The following PPFIA2 variants were observed in gnomAD, a reference collection of about 807,000 sequenced individuals.
The protein encoded by PPFIA2 is PPFI scaffold protein A2.
In PPFIA2, 46 loss-of-function variants were observed where a neutral mutation model predicts 175.5. The ratio of observed to expected loss-of-function variants is 0.26; its 90% CI spans 0.21 to 0.34. The LOEUF is 0.34. Among genes scored for constraint, PPFIA2 ranks in the 10% least tolerant of loss-of-function variants. The probability of loss-of-function intolerance (pLI) is 1.00; values close to 1 mark genes in which losing one functional copy is unlikely to be tolerated. For missense variants in PPFIA2, 1,179 were observed against 1,506.1 expected (o/e 0.78, Z 3.60); for synonymous variants, 568 against 511.4 (o/e 1.11, Z -1.49).
At chr12:81,492,899 G>C (rs1436104947) in intron 4 of PPFIA2, among the ~76,000 whole-genome samples, 1 of 152,042 alleles carries the variant, frequency 6.6e-6, no homozygotes, top group Non-Finnish European at 1.5e-5. Flanking sequence ...AAAAGATAAA[G>C]GTGACTTGAA....
At chr12:81,288,395 C>A (rs1165537383) in intron 24 of PPFIA2, among the ~76,000 whole-genome samples, 1 of 151,578 alleles carries the variant, frequency 6.6e-6, no homozygotes, top group Non-Finnish European at 1.5e-5. Context: ...CCTTAGTACC[C>A]ATGGAATAGA....
At chr12:81,599,253 A>G (rs1247598217) in intron 4 of PPFIA2, among the ~76,000 whole-genome samples, 1 of 151,990 alleles carries the variant, frequency 6.6e-6, no homozygotes, top group Non-Finnish European at 1.5e-5. Context: ...CATACATAAT[A>G]AAAACCACCT....
At chr12:81,312,283 G>C (rs1288448673) in intron 22 of PPFIA2, 1 of 1,024,600 alleles carries the variant, frequency 9.8e-7, no homozygotes, top group Non-Finnish European at 1.4e-6. Flanking sequence ...TAAGATGTGA[G>C]AAAGCTCAGG....
At chr12:81,630,899 ATTT>A (rs56990168) in intron 4 of PPFIA2, among the ~76,000 whole-genome samples, 2,487 of 106,432 alleles carry the variant, frequency 0.023, 46 homozygotes, top group Admixed American at 0.062. Context: ...ATATATATAT[ATTT>A]TTTTTTTTTT....
chr12:81,628,056 C>A (rs2062931635), intron 4 of PPFIA2, among the ~76,000 whole-genome samples: 1 of 152,096 alleles, frequency 6.6e-6, no homozygotes, highest in Non-Finnish European at 1.5e-5. Context: ...AAACCATGGG[C>A]ATTCATTGAT....
chr12:81,648,036 T>C (rs549412025), intron 4 of PPFIA2, among the ~76,000 whole-genome samples: 2 of 149,560 alleles, frequency 1.3e-5, no homozygotes, highest in Admixed American at 6.7e-5. Context: ...TCTATAAATA[T>C]AGAATATAAT....
intron 4 of PPFIA2, among the ~76,000 whole-genome samples, chr12:81,487,454 A>G (rs1240101777): frequency 6.6e-6 from 1 of 151,874 alleles, no homozygotes; most frequent in African/African-American, 2.4e-5. Context: ...AAGTATGAGC[A>G]CTTGGTAAGT....
chr12:81,560,551 T>C (rs1192359000), intron 4 of PPFIA2, among the ~76,000 whole-genome samples: 1 of 152,180 alleles, frequency 6.6e-6, no homozygotes, highest in Non-Finnish European at 1.5e-5. Flanking sequence ...AAATGTCCTG[T>C]AAGAGCCTAT....
intron 32 of PPFIA2, among the ~76,000 whole-genome samples, chr12:81,261,652 A>C (rs2035583102): frequency 1.3e-5 from 2 of 152,188 alleles, no homozygotes; most frequent in Non-Finnish European, 2.9e-5. Context: ...TAAGTTACTC[A>C]ACAGGAAATG....
chr12:81,435,989 G>A (rs1228633628), intron 7 of PPFIA2, among the ~76,000 whole-genome samples: 1 of 151,840 alleles, frequency 6.6e-6, no homozygotes, highest in Non-Finnish European at 1.5e-5. Flanking sequence ...TTTAAAATCT[G>A]AAACGTTGCT....
chr12:81,613,324 G>C (rs1412003751), intron 4 of PPFIA2, among the ~76,000 whole-genome samples: 1 of 151,990 alleles, frequency 6.6e-6, no homozygotes, highest in African/African-American at 2.4e-5. Context: ...GCAATTTGGG[G>C]CCCACTCTAT....
intron 4 of PPFIA2, chr12:81,512,228 G>T: frequency 2.1e-6 from 2 of 939,966 alleles, no homozygotes; most frequent in Non-Finnish European, 3.0e-6. Flanking sequence ...TCCCTTAACG[G>T]CTCCCTAATG....
intron 3 of PPFIA2, among the ~76,000 whole-genome samples, chr12:81,724,737 G>T (rs1216499428): frequency 6.6e-6 from 1 of 150,796 alleles, no homozygotes; most frequent in African/African-American, 2.4e-5. Context: ...CTATTGATGG[G>T]CACTTAGATT....
At chr12:81,355,984 A>C (rs2060798732) in intron 16 of PPFIA2, among the ~76,000 whole-genome samples, 1 of 152,168 alleles carries the variant, frequency 6.6e-6, no homozygotes, top group African/African-American at 2.4e-5. Flanking sequence ...TTGTAGTCAC[A>C]ACTTGGCTGT....
At chr12:81,294,625 T>C in intron 24 of PPFIA2, 1 of 580,248 alleles carries the variant, frequency 1.7e-6, no homozygotes, top group East Asian at 2.9e-5. Context: ...AAAAGTCTGC[T>C]ATGCTAGCTT....
intron 21 of PPFIA2, among the ~76,000 whole-genome samples, chr12:81,335,010 G>A (rs1040633342): frequency 2.6e-5 from 4 of 152,138 alleles, no homozygotes; most frequent in African/African-American, 9.7e-5. Context: ...ACCTTTCCAT[G>A]TTAGTTAAGA....
chr12:81,551,201 A>G (rs1040498250), intron 4 of PPFIA2, among the ~76,000 whole-genome samples: 2 of 152,022 alleles, frequency 1.3e-5, no homozygotes, highest in African/African-American at 4.8e-5. Flanking sequence ...GCAGATGTTC[A>G]ATAAAGTTTA....
intron 8 of PPFIA2, among the ~76,000 whole-genome samples, chr12:81,402,338 T>A (rs1251832798): frequency 6.8e-6 from 1 of 147,770 alleles, no homozygotes; most frequent in East Asian, 2.2e-4. Context: ...TTTTAAAAGT[T>A]CTCAATAAAA....
rs1595912928 is a variant in PPFIA2, at chr12:81,642,703, T to TATATTATATACATAC, written c.303+34087_303+34088insGTATGTATATAATAT. Among the ~76,000 whole-genome samples, 39 of 13,934 alleles carry TATATTATATACATAC rather than the reference T, an allele frequency of 2.8e-3. 12 individuals are homozygous for TATATTATATACATAC. The highest frequency in any genetic ancestry group is 0.012 in the South Asian group (3 of 256). 9.1% of individuals were successfully genotyped at this position (13,934 alleles called of 152,430 possible). A position where few individuals can be genotyped will look rare whatever the true frequency, so the allele number is the denominator to read the frequency against. ...TGTATCTATTATATACATACATGTA[T>TATATTATATACATAC]ATGTATGTATGTATTATATACATAC... On this transcript the variant is annotated intron_variant, in intron 4 of 32. Transcript: ENST00000549396.
Sources: allele counts gnomAD v4.1 joint callset (sites outside exome capture counted in the v4.1 genomes callset), GRCh38; gene constraint gnomAD v4.1.1; transcripts MANE v1.5; gene names NCBI Gene and HGNC (gene_info 2026-07-23, HGNC 2026-07-21).